Variants in KCTD8 observed in about 807,000 individuals in gnomAD.
KCTD8 encodes potassium channel tetramerization domain containing 8.
Under a neutral mutation model 31.5 loss-of-function variants are expected in KCTD8, and 27 were observed. The observed-to-expected ratio is 0.86, with a 90% CI of 0.63 to 1.18. The LOEUF (loss-of-function observed/expected upper bound fraction) is 1.18, where lower values mean the gene tolerates loss of function less well. Ranked by LOEUF, KCTD8 falls within the 50% of genes most tolerant of loss-of-function variation. The pLI, the probability that KCTD8 is intolerant of heterozygous loss-of-function variation, is 0.00. For synonymous variants in KCTD8, 290 were observed against 280.0 expected, an observed-to-expected ratio of 1.04 and a Z score of -0.36; for missense variants, 658 against 647.7, an observed-to-expected ratio of 1.02 and a Z score of -0.17.
At chr4:44,366,515 C>T (rs1161494974) in intron 1 of KCTD8, among the ~76,000 whole-genome samples, 3 of 152,194 alleles carry the variant, frequency 2.0e-5, no homozygotes, top group Admixed American at 1.3e-4. Flanking sequence ...GGCCTCCCAG[C>T]CATGCTTCCT....
At chr4:44,214,264 A>T (rs1251355471) in intron 1 of KCTD8, among the ~76,000 whole-genome samples, 1 of 152,204 alleles carries the variant, frequency 6.6e-6, no homozygotes, top group Non-Finnish European at 1.5e-5. Flanking sequence ...TTTGTAGCCC[A>T]GCCAAAGGAG....
intron 1 of KCTD8, among the ~76,000 whole-genome samples, chr4:44,333,816 A>G (rs556640308): frequency 6.6e-6 from 1 of 152,262 alleles, no homozygotes; most frequent in Admixed American, 6.5e-5. Flanking sequence ...GCATAAGGCA[A>G]ATCCAAAAGT....
intron 1 of KCTD8, among the ~76,000 whole-genome samples, chr4:44,331,311 G>A (rs1718585668): frequency 1.3e-5 from 2 of 151,674 alleles, no homozygotes; most frequent in East Asian, 1.9e-4. Flanking sequence ...TTAATCACAG[G>A]CAGGCATACC....
chr4:44,396,498 C>A (rs942586272), intron 1 of KCTD8, among the ~76,000 whole-genome samples: 2 of 151,792 alleles, frequency 1.3e-5, no homozygotes, highest in African/African-American at 2.4e-5. Context: ...CAGATACTTG[C>A]CATTTTGTTT....
rs141204704 is a variant in KCTD8 at position 44,208,731 on chromosome 4, A to G, written c.962-33481T>C. Among the ~76,000 whole-genome samples, 743 of 152,208 alleles carry G rather than the reference A, an allele frequency of 4.9e-3. 12 individuals carry two copies. Among genetic ancestry groups the G allele is most frequent in the East Asian group, 0.012 (63 of 5,178 alleles). On this transcript the variant is annotated intron_variant, in intron 1 of 1. Coordinates refer to ENST00000360029, the MANE Select transcript of KCTD8 (RefSeq NM_198353.3). ...AATTCATATGTCCTCATAATACTCA[A>G]CTGGAATCTCCCCTACCTATAGATA... is the stretch of plus-strand genomic sequence containing the variant.
At chr4:44,339,332 A>C (rs1349111125) in intron 1 of KCTD8, among the ~76,000 whole-genome samples, 1 of 152,130 alleles carries the variant, frequency 6.6e-6, no homozygotes, top group African/African-American at 2.4e-5. Context: ...AATTCCAAAC[A>C]TACTGAGAGC....
chr4:44,389,945 G>A (rs137911948), intron 1 of KCTD8, among the ~76,000 whole-genome samples: 1 of 151,796 alleles, frequency 6.6e-6, no homozygotes, highest in East Asian at 1.9e-4. Flanking sequence ...TTTGAGAATT[G>A]TCTGTTCATG....
intron 1 of KCTD8, among the ~76,000 whole-genome samples, chr4:44,288,516 A>G (rs539111109): frequency 6.6e-6 from 1 of 152,268 alleles, no homozygotes; most frequent in African/African-American, 2.4e-5. Context: ...TGACATGGTT[A>G]TAATTTCTGC....
At chr4:44,326,083 T>C (rs1718436657) in intron 1 of KCTD8, among the ~76,000 whole-genome samples, 2 of 152,116 alleles carry the variant, frequency 1.3e-5, no homozygotes, top group Admixed American at 1.3e-4. Context: ...TCCCTTGTAA[T>C]GTCATTGCTT....
At chr4:44,240,679 C>T (rs549398962) in intron 1 of KCTD8, among the ~76,000 whole-genome samples, 2 of 152,174 alleles carry the variant, frequency 1.3e-5, no homozygotes, top group East Asian at 3.9e-4. Flanking sequence ...ATTTCTTGCT[C>T]CAATCAAGGG....
chr4:44,259,013 A>G (rs567421053), intron 1 of KCTD8, among the ~76,000 whole-genome samples: 1 of 151,958 alleles, frequency 6.6e-6, no homozygotes, highest in Non-Finnish European at 1.5e-5. Flanking sequence ...TTTAGGGTCA[A>G]TAATTTCTAA....
chr4:44,404,647 T>C (rs1720742041), intron 1 of KCTD8, among the ~76,000 whole-genome samples: 1 of 152,162 alleles, frequency 6.6e-6, no homozygotes, highest in Non-Finnish European at 1.5e-5. Flanking sequence ...GAATGACCTA[T>C]AGAACTGGCC....
At chr4:44,422,460 T>G (rs1721238770) in intron 1 of KCTD8, among the ~76,000 whole-genome samples, 1 of 152,070 alleles carries the variant, frequency 6.6e-6, no homozygotes, top group Non-Finnish European at 1.5e-5. Flanking sequence ...AAGGAAGCCC[T>G]TCTCCCCCAT....
intron 1 of KCTD8, among the ~76,000 whole-genome samples, chr4:44,200,377 T>C (rs182027121): frequency 1.4e-3 from 205 of 151,192 alleles, no homozygotes; most frequent in African/African-American, 4.8e-3. Flanking sequence ...CAGGCCAATA[T>C]TCCTGATAAA....
chr4:44,222,693 G>A (rs765535770), intron 1 of KCTD8, among the ~76,000 whole-genome samples: 4 of 152,184 alleles, frequency 2.6e-5, no homozygotes, highest in Admixed American at 6.5e-5. Flanking sequence ...GCTGTGTCTG[G>A]AACTATACAC....
chr4:44,230,904 A>C (rs1023327487), intron 1 of KCTD8, among the ~76,000 whole-genome samples: 2 of 152,150 alleles, frequency 1.3e-5, no homozygotes, highest in Admixed American at 1.3e-4. Flanking sequence ...TCTCAAGCAT[A>C]ATAGATGGAA....
At chr4:44,287,238 C>T (rs914516917) in intron 1 of KCTD8, among the ~76,000 whole-genome samples, 6 of 151,826 alleles carry the variant, frequency 4.0e-5, no homozygotes, top group Admixed American at 1.3e-4. Context: ...ACAAAAATAG[C>T]GAAACCTTAT....
intron 1 of KCTD8, among the ~76,000 whole-genome samples, chr4:44,302,436 C>A (rs1240957830): frequency 2.0e-5 from 3 of 152,074 alleles, no homozygotes; most frequent in Non-Finnish European, 4.4e-5. Flanking sequence ...TCCTTCACGT[C>A]CCTTTTAAGT....
chr4:44,221,269 C>T (rs1010511689), intron 1 of KCTD8, among the ~76,000 whole-genome samples: 5 of 151,912 alleles, frequency 3.3e-5, no homozygotes, highest in African/African-American at 7.3e-5. Context: ...AATGATGGGG[C>T]TATTTCTTGT....
Sources: allele counts gnomAD v4.1 joint callset (sites outside exome capture counted in the v4.1 genomes callset), GRCh38; gene constraint gnomAD v4.1.1; transcripts MANE v1.5; gene names NCBI Gene and HGNC (gene_info 2026-07-23, HGNC 2026-07-21).